The following PRKN variants were observed in gnomAD, a reference collection of about 807,000 sequenced individuals.
PRKN encodes the protein E3 ubiquitin-protein ligase parkin.
In PRKN, 56 loss-of-function variants were observed where a neutral mutation model predicts 59.5. That is an observed-to-expected ratio of 0.94 (90% CI 0.76 to 1.18). The LOEUF is 1.18. Among genes scored for constraint, PRKN ranks in the 50% most tolerant of loss-of-function variants. The pLI is 0.00. For synonymous variants in PRKN, 250 were observed against 222.1 expected (o/e 1.13, Z -1.12); for missense variants, 657 against 596.4 (o/e 1.10, Z -1.06).
intron 7 of PRKN, among the ~76,000 whole-genome samples, chr6:161,737,172 G>A (rs1315112323): frequency 2.0e-5 from 3 of 152,206 alleles, no homozygotes; most frequent in Non-Finnish European, 2.9e-5. Flanking sequence ...GGAAGAGGAG[G>A]GGCTGACGGC....
chr6:161,696,355 T>G (rs1028462509), intron 7 of PRKN, among the ~76,000 whole-genome samples: 2 of 152,232 alleles, frequency 1.3e-5, no homozygotes, highest in Admixed American at 6.5e-5. Context: ...TAAAATCTGC[T>G]GAACAAATAA....
At chr6:162,013,232 C>G (rs1354755200) in intron 5 of PRKN, among the ~76,000 whole-genome samples, 1 of 152,104 alleles carries the variant, frequency 6.6e-6, no homozygotes, top group Non-Finnish European at 1.5e-5. Flanking sequence ...ACTGGGTTAA[C>G]ATCTATTGGT....
At chr6:161,768,292 G>C (rs966718021) in intron 7 of PRKN, among the ~76,000 whole-genome samples, 10 of 152,174 alleles carry the variant, frequency 6.6e-5, no homozygotes, top group Non-Finnish European at 1.5e-4. Flanking sequence ...CATATAGTAG[G>C]AAAGTATTAT....
intron 4 of PRKN, among the ~76,000 whole-genome samples, chr6:162,075,964 CTTTTTT>C (rs201642343): frequency 7.5e-6 from 1 of 132,966 alleles, no homozygotes; most frequent in Non-Finnish European, 1.6e-5. Flanking sequence ...GAAAGGCTTG[CTTTTTT>C]TTTTTTTTTT....
At chr6:161,909,479 G>A (rs1408216066) in intron 6 of PRKN, among the ~76,000 whole-genome samples, 7 of 152,006 alleles carry the variant, frequency 4.6e-5, no homozygotes, top group Non-Finnish European at 1.0e-4. Context: ...ACTGGAAAAC[G>A]AGAGAGAGCG....
chr6:162,524,212 G>T (rs961510568), intron 1 of PRKN, among the ~76,000 whole-genome samples: 1 of 152,064 alleles, frequency 6.6e-6, no homozygotes, highest in Non-Finnish European at 1.5e-5. Context: ...TGTAACCCTG[G>T]ATATTTTTAA....
chr6:162,219,856 C>T (rs1438287808), intron 3 of PRKN, among the ~76,000 whole-genome samples: 1 of 152,120 alleles, frequency 6.6e-6, no homozygotes, highest in East Asian at 1.9e-4. Flanking sequence ...CCTTGCCAGG[C>T]ATGTACAGTT....
At chr6:161,884,834 A>G (rs1289055462) in intron 6 of PRKN, among the ~76,000 whole-genome samples, 1 of 152,188 alleles carries the variant, frequency 6.6e-6, no homozygotes, top group Non-Finnish European at 1.5e-5. Flanking sequence ...AACATTTTAT[A>G]TGAGAATCAA....
intron 6 of PRKN, among the ~76,000 whole-genome samples, chr6:161,906,889 G>C (rs1258005663): frequency 1.3e-5 from 2 of 151,930 alleles, no homozygotes; most frequent in Non-Finnish European, 2.9e-5. Flanking sequence ...AAGGCCGGAA[G>C]ACTCAGCCAG....
chr6:161,357,572 C>T lies in PRKN; in HGVS notation c.1285+2516G>A, dbSNP rs555486072. Among the ~76,000 whole-genome samples the T allele has an allele frequency of 2.0e-5, 3 of 152,196 alleles. No homozygotes were observed. The highest frequency in any genetic ancestry group is 2.4e-5 in the African/African-American group (1 of 41,462). On this transcript the variant is annotated intron_variant, in intron 11 of 11. Coordinates refer to ENST00000366898, the MANE Select transcript of PRKN (RefSeq NM_004562.3). This position sits in a 1 kb window ranked among gnomAD's most constrained non-coding sequence, Gnocchi z 5.5. The stretch of plus-strand genomic sequence containing the variant: ...TTTTTACTAATTTTCTAAGGTTATA[C>T]GTCACACATGTTTATTACAGAAAAG...
chr6:162,303,473 G>C (rs1782057467), intron 2 of PRKN, among the ~76,000 whole-genome samples: 1 of 152,108 alleles, frequency 6.6e-6, no homozygotes, highest in African/African-American at 2.4e-5. Flanking sequence ...CCTTTGAGAT[G>C]CATCTATGCA....
At chr6:161,867,476 G>C (rs1794156639) in intron 6 of PRKN, among the ~76,000 whole-genome samples, 1 of 152,160 alleles carries the variant, frequency 6.6e-6, no homozygotes, top group African/African-American at 2.4e-5. Context: ...GCCACATTTA[G>C]TCAGAGGGCC....
At chr6:162,241,717 A>G (rs965248931) in intron 3 of PRKN, among the ~76,000 whole-genome samples, 1 of 152,146 alleles carries the variant, frequency 6.6e-6, no homozygotes, top group African/African-American at 2.4e-5. Flanking sequence ...TTTTAATAGA[A>G]ATGTATTATG....
chr6:162,428,782 CT>C (rs1280749661), intron 2 of PRKN, among the ~76,000 whole-genome samples: 2 of 152,158 alleles, frequency 1.3e-5, no homozygotes, highest in Non-Finnish European at 2.9e-5. Flanking sequence ...CTAGACTAGC[CT>C]CCCAATTAGC....
At chr6:162,475,809 T>TGGCGCAATCTCAGCTCACTGCAAC (rs1176515716) in intron 1 of PRKN, among the ~76,000 whole-genome samples, 2 of 152,250 alleles carry the variant, frequency 1.3e-5, no homozygotes, top group African/African-American at 4.8e-5. Context: ...CTCACTGCAG[T>TGGCGCAATCTCAGCTCACTGCAAC]GGCGCAATCT....
intron 7 of PRKN, among the ~76,000 whole-genome samples, chr6:161,703,030 T>TAA (rs538755289): frequency 5.2e-4 from 54 of 104,824 alleles, no homozygotes; most frequent in African/African-American, 1.7e-3. Flanking sequence ...GATTCAACAG[T>TAA]AAAAAAAAAA....
At chr6:162,520,236 G>A (rs1257201770) in intron 1 of PRKN, among the ~76,000 whole-genome samples, 1 of 152,072 alleles carries the variant, frequency 6.6e-6, no homozygotes, top group Non-Finnish European at 1.5e-5. Flanking sequence ...CACTTCACTG[G>A]CTACTATTTT....
chr6:162,280,349 A>G (rs1780833553), intron 2 of PRKN, among the ~76,000 whole-genome samples: 1 of 152,190 alleles, frequency 6.6e-6, no homozygotes, highest in African/African-American at 2.4e-5. Context: ...AACAGAGACA[A>G]TGTACCAGAA....
intron 2 of PRKN, among the ~76,000 whole-genome samples, chr6:162,416,117 G>C (rs995279317): frequency 2.0e-5 from 3 of 152,090 alleles, no homozygotes; most frequent in African/African-American, 7.2e-5. Flanking sequence ...GGCACTTGTG[G>C]ACATTTGTGC....
Sources: gnomAD v4.1 joint callset for allele counts (sites outside exome capture counted in the v4.1 genomes callset) on GRCh38, gnomAD v4.1.1 for gene constraint, Gnocchi (gnomAD v3.1) non-coding constraint, MANE v1.5 for transcripts, NCBI Gene and HGNC (gene_info 2026-07-23, HGNC 2026-07-21) for gene names.